MYO1H: variants seen among roughly 807,000 people sequenced by gnomAD.
The protein encoded by MYO1H is myosin IH, also known as unconventional myosin-Ih.
MYO1H carries 118 observed loss-of-function variants against 149.3 expected under a neutral mutation model. The ratio of observed to expected loss-of-function variants is 0.79; its 90% confidence interval spans 0.68 to 0.92. The LOEUF (loss-of-function observed/expected upper bound fraction) is 0.92. MYO1H is among the 40% of genes least tolerant of loss of function. The pLI is 0.00. For synonymous variants in MYO1H, 447 were observed against 465.2 expected (o/e 0.96, Z 0.50); for missense variants, 1,212 against 1,280.7 (o/e 0.95, Z 0.82).
chr12:109,393,815 T>G (rs1869780769), intron 3 of MYO1H, among the ~76,000 whole-genome samples: 1 of 152,196 alleles, frequency 6.6e-6, no homozygotes, highest in Non-Finnish European at 1.5e-5. Flanking sequence ...TTAGAGGGTC[T>G]TTATGGAATC....
chr12:109,415,943 T>TTTTATTTTATTTTA (rs1398376936), intron 15 of MYO1H, among the ~76,000 whole-genome samples: 88 of 147,006 alleles, frequency 6.0e-4, no homozygotes, highest in Admixed American at 3.3e-3. Context: ...TTTTATTTTA[T>TTTTATTTTATTTTA]TTTATTTTAT....
At chr12:109,352,818 C>T (rs1487248845) in intron 1 of MYO1H, among the ~76,000 whole-genome samples, 1 of 152,134 alleles carries the variant, frequency 6.6e-6, no homozygotes, top group Non-Finnish European at 1.5e-5. Context: ...GCCATTAGCT[C>T]GTGTTCAGTG....
chr12:109,313,765 G>A, the MYO1H span, among the ~76,000 whole-genome samples: 3 of 152,032 alleles, frequency 2.0e-5, no homozygotes, highest in African/African-American at 7.3e-5. Flanking sequence ...TGGGCAAGTT[G>A]CAAGAGCATT....
chr12:109,349,882 A>G (rs1208281759), intron 1 of MYO1H, among the ~76,000 whole-genome samples: 1 of 150,188 alleles, frequency 6.7e-6, no homozygotes, highest in African/African-American at 2.5e-5. Context: ...AATGGCGTGA[A>G]CCCGGGAGGC....
At chr12:109,419,850 C>T (rs1167656344) in intron 15 of MYO1H, among the ~76,000 whole-genome samples, 1 of 149,212 alleles carries the variant, frequency 6.7e-6, no homozygotes, top group Non-Finnish European at 1.5e-5. Flanking sequence ...CATGAGACAC[C>T]ATGCTTGGCT....
chr12:109,445,987 T>C, intron 31 of MYO1H: 14 of 985,356 alleles, frequency 1.4e-5, no homozygotes, highest in Non-Finnish European at 1.7e-5. Context: ...ACCCAGATAC[T>C]GAGACTTAAT....
chr12:109,334,394 T>G, the MYO1H span, among the ~76,000 whole-genome samples: 22,985 of 152,186 alleles, frequency 0.15, 3,149 homozygotes, highest in African/African-American at 0.37. Flanking sequence ...CAGGCTGGTC[T>G]TGAACTCCTG....
rs1165995755 is a variant in MYO1H at position 109,442,795 on chromosome 12, C to CTGCCTTTTTTTTTTT, written c.2688+524_2688+525insGCCTTTTTTTTTTTT. The stretch of plus-strand genomic sequence containing the variant: ...GTGATCGTGTGTGCCAGTGTCTGCT[C>CTGCCTTTTTTTTTTT]TTTTTTTTTTTTTTTTTTTTTTTGT... On this transcript the variant is annotated intron_variant, in intron 27 of 31. Transcript: ENST00000310903. Among the ~76,000 whole-genome samples, 14 of 94,042 alleles carry CTGCCTTTTTTTTTTT rather than the reference C, an allele frequency of 1.5e-4. 1 individual carries two copies. Among genetic ancestry groups the CTGCCTTTTTTTTTTT allele is most frequent in the East Asian group, 1.3e-3 (4 of 3,108 alleles). 61.7% of individuals were successfully genotyped at this position (94,042 alleles called of 152,430 possible).
chr12:109,424,796 G>C (rs2135577161), exon 17 of MYO1H: 5 of 1,613,926 alleles, frequency 3.1e-6, no homozygotes, highest in Non-Finnish European at 4.2e-6. Flanking sequence ...CTTCCTGCTG[G>C]CCGAGTTAGA....
At chr12:109,440,095 C>T (rs1453266828) in intron 24 of MYO1H, among the ~76,000 whole-genome samples, 1 of 150,738 alleles carries the variant, frequency 6.6e-6, no homozygotes, top group South Asian at 2.1e-4. Flanking sequence ...AGTGCAGTGG[C>T]GCGATCTTGG....
At chr12:109,405,732 C>T (rs1428378513) in intron 7 of MYO1H, among the ~76,000 whole-genome samples, 190 bp from the exon 8 acceptor site, 1 of 152,164 alleles carries the variant, frequency 6.6e-6, no homozygotes, top group Non-Finnish European at 1.5e-5. Context: ...CTTCCCTTAG[C>T]ACCTGAAGTG....
At chr12:109,425,290 T>C (rs1871315112) in intron 17 of MYO1H, among the ~76,000 whole-genome samples, 1 of 152,134 alleles carries the variant, frequency 6.6e-6, no homozygotes, top group African/African-American at 2.4e-5. Flanking sequence ...GCCATGATTA[T>C]GCCACTGCAC....
intron 15 of MYO1H, among the ~76,000 whole-genome samples, chr12:109,417,754 C>G (rs1439887932): frequency 6.6e-6 from 1 of 152,206 alleles, no homozygotes; most frequent in Non-Finnish European, 1.5e-5. Flanking sequence ...TGTTTCTCTT[C>G]CTTGGAGAAA....
chr12:109,374,386 A>G (rs1290859260), intron 1 of MYO1H, among the ~76,000 whole-genome samples: 1 of 152,142 alleles, frequency 6.6e-6, no homozygotes, highest in Non-Finnish European at 1.5e-5. Context: ...CTACTACCTC[A>G]TAGGGTTATT....
intron 2 of MYO1H, among the ~76,000 whole-genome samples, chr12:109,390,949 C>T (rs1218745631): frequency 1.3e-5 from 2 of 152,224 alleles, no homozygotes; most frequent in Non-Finnish European, 2.9e-5. Flanking sequence ...ATTACTGTGC[C>T]CGGCCCACCC....
In MYO1H at chr12:109,393,261, G is replaced by A. The variant is rs533946494; in HGVS notation, c.175-70G>A. On this transcript the variant is annotated intron_variant, in intron 2 of 31. Transcript: ENST00000310903. The stretch of plus-strand genomic sequence containing the variant: ...AATCCTCCATGTGGAATGAACACAT[G>A]GGGATCATCATGTGTGACAGTCTTT... 1.2e-4 allele frequency: 106 copies of A among 918,704 alleles called. 1 individual carries two copies. In the South Asian group the frequency reaches 1.5e-3, roughly 13 times the overall value. The allele number at this position is 918,704 out of a possible 1,614,324, so 56.9% of individuals were successfully genotyped here.
In MYO1H at chr12:109,443,059, CGTATGTGTGT is replaced by C. The variant is rs1566044775; in HGVS notation, c.2689-454_2689-445del. 1.2e-3 allele frequency among the ~76,000 whole-genome samples: 50 copies of C among 41,364 alleles called. 1 individual carries two copies. The highest frequency in any genetic ancestry group is 1.9e-3 in the Non-Finnish European group (38 of 20,358). 27.1% of individuals were successfully genotyped at this position (41,364 alleles called of 152,430 possible). A position where few individuals can be genotyped will look rare whatever the true frequency, so the allele number is the denominator to read the frequency against. ...GTGTGTGTGTGTGTATATATGTGTACGTATGTGTGTATATATGTGTACGTATGTGTGTATA... is the reference window on the plus strand; with the variant it reads ...GTGTGTGTGTGTGTATATATGTGTACATATATGTGTACGTATGTGTGTATA... On this transcript the variant is annotated intron_variant, in intron 27 of 31. Coordinates refer to ENST00000310903, the Ensembl canonical transcript of MYO1H.
intron 1 of MYO1H, among the ~76,000 whole-genome samples, chr12:109,350,877 G>C (rs191298823): frequency 6.6e-6 from 1 of 152,106 alleles, no homozygotes; most frequent in South Asian, 2.1e-4. Context: ...TCCCTCAATC[G>C]TTACATCTTA....
chr12:109,376,147 C>T (rs1382902726), intron 1 of MYO1H, among the ~76,000 whole-genome samples: 1 of 152,092 alleles, frequency 6.6e-6, no homozygotes, highest in African/African-American at 2.4e-5. Flanking sequence ...AGAGTAGATA[C>T]CTCAAGGTTT....
Sources: allele counts gnomAD v4.1 joint callset (sites outside exome capture counted in the v4.1 genomes callset), GRCh38; gene constraint gnomAD v4.1.1; transcripts MANE v1.5; gene names NCBI Gene and HGNC (gene_info 2026-07-23, HGNC 2026-07-21).